The following MAGI2 variants were observed in gnomAD, a reference collection of about 807,000 sequenced individuals.
The protein encoded by MAGI2 is membrane associated guanylate kinase, WW and PDZ domain containing 2.
MAGI2 carries 35 observed loss-of-function variants against 133.3 expected under a neutral mutation model. The observed-to-expected ratio is 0.26, with a 90% confidence interval of 0.20 to 0.35. The LOEUF (loss-of-function observed/expected upper bound fraction) is 0.35, where lower values mean the gene tolerates loss of function less well. MAGI2 is among the 10% of genes least tolerant of loss of function. The probability of loss-of-function intolerance (pLI) is 1.00; values close to 1 mark genes in which losing one functional copy is unlikely to be tolerated. For synonymous variants in MAGI2, 729 were observed against 710.6 expected (o/e 1.03, Z -0.41); for missense variants, 1,636 against 1,863.4 (o/e 0.88, Z 2.25).
At chr7:79,429,152 A>ATATT (rs1383078790) in intron 1 of MAGI2, among the ~76,000 whole-genome samples, 2 of 152,158 alleles carry the variant, frequency 1.3e-5, no homozygotes, top group Non-Finnish European at 2.9e-5. Flanking sequence ...CTTTTATTAA[A>ATATT]AGTAAAATAT....
intron 6 of MAGI2, among the ~76,000 whole-genome samples, chr7:78,439,232 G>A (rs375190431): frequency 1.3e-5 from 2 of 152,142 alleles, no homozygotes; most frequent in East Asian, 3.9e-4. Context: ...AATGTTGCCC[G>A]AGTCAGTCAC....
chr7:78,439,918 G>A (rs1201706462), intron 6 of MAGI2, among the ~76,000 whole-genome samples: 1 of 151,976 alleles, frequency 6.6e-6, no homozygotes, highest in Non-Finnish European at 1.5e-5. Context: ...TGTGCCTAGT[G>A]AGCACTTAAA....
chr7:78,063,483 C>T (rs927996957), intron 21 of MAGI2, among the ~76,000 whole-genome samples: 24 of 152,178 alleles, frequency 1.6e-4, no homozygotes, highest in Admixed American at 4.6e-4. Flanking sequence ...CTCAAGCGAT[C>T]CTCCTGCCTT....
At chr7:79,445,671 C>G (rs555981002) in intron 1 of MAGI2, among the ~76,000 whole-genome samples, 1 of 152,072 alleles carries the variant, frequency 6.6e-6, no homozygotes, top group African/African-American at 2.4e-5. Context: ...AAACAACAGG[C>G]GCTGGAGAGG....
intron 6 of MAGI2, among the ~76,000 whole-genome samples, chr7:78,414,655 C>G (rs118184584): frequency 6.6e-6 from 1 of 151,996 alleles, no homozygotes; most frequent in East Asian, 1.9e-4. Flanking sequence ...TGTGCATACA[C>G]ACACACACCC....
intron 1 of MAGI2, among the ~76,000 whole-genome samples, chr7:79,049,710 C>T (rs1812502347): frequency 6.6e-6 from 1 of 150,892 alleles, no homozygotes. Context: ...TCATATTTTA[C>T]TACCTCTCAT....
At chr7:78,729,062 T>C (rs1563420603) in intron 2 of MAGI2, among the ~76,000 whole-genome samples, 1 of 152,148 alleles carries the variant, frequency 6.6e-6, no homozygotes, top group Non-Finnish European at 1.5e-5. Flanking sequence ...GTAATGGTAT[T>C]AGGCTATATC....
At chr7:78,944,369 A>G (rs1024630875) in intron 2 of MAGI2, among the ~76,000 whole-genome samples, 1 of 151,976 alleles carries the variant, frequency 6.6e-6, no homozygotes, top group Non-Finnish European at 1.5e-5. Flanking sequence ...TTTTCCCCCA[A>G]GTTTTCCTAA....
At chr7:78,479,803 T>A (rs1584325855) in intron 6 of MAGI2, among the ~76,000 whole-genome samples, 1 of 151,864 alleles carries the variant, frequency 6.6e-6, no homozygotes, top group East Asian at 1.9e-4. Context: ...AAATCAAGTA[T>A]CAAATTTATC....
intron 16 of MAGI2, among the ~76,000 whole-genome samples, chr7:78,143,407 T>C (rs1005056985): frequency 3.3e-5 from 5 of 152,202 alleles, no homozygotes; most frequent in Non-Finnish European, 5.9e-5. Context: ...AATTTTATGA[T>C]GACCAATTTA....
intron 2 of MAGI2, among the ~76,000 whole-genome samples, chr7:78,979,854 C>G (rs1421630549): frequency 9.2e-5 from 14 of 151,914 alleles, no homozygotes; most frequent in Admixed American, 7.9e-4. Flanking sequence ...CATGAACACT[C>G]TGTAATATCT....
intron 1 of MAGI2, among the ~76,000 whole-genome samples, chr7:79,108,163 G>A (rs768113100): frequency 3.9e-5 from 6 of 152,174 alleles, no homozygotes; most frequent in Admixed American, 6.5e-5. Context: ...CACAGACCAG[G>A]TGCTGGCCCT....
intron 6 of MAGI2, among the ~76,000 whole-genome samples, chr7:78,488,989 A>G (rs975030297): frequency 6.6e-6 from 1 of 152,032 alleles, no homozygotes; most frequent in Non-Finnish European, 1.5e-5. Context: ...TAATCACATA[A>G]AGTATGTGAT....
At position 78,019,985 on chromosome 7, in the gene MAGI2, G is replaced by T; in HGVS notation, c.3707-9C>A. The T allele has an allele frequency of 6.3e-7, 1 of 1,597,640 alleles. No individual in the cohort carries two copies. Among genetic ancestry groups the T allele is most frequent in the South Asian group, 1.1e-5 (1 of 89,094 alleles). ...CCAGGGGGCGGGTTCGTCTGTGGACGGGAAGCACAGGCGTTAGCAGTGGCG... is the reference window on the plus strand; with the variant it reads ...CCAGGGGGCGGGTTCGTCTGTGGACTGGAAGCACAGGCGTTAGCAGTGGCG... On this transcript the variant is annotated splice_polypyrimidine_tract_variant and intron_variant, in intron 21 of 21. Transcript: ENST00000354212.
chr7:78,686,467 G>A (rs1249475799), intron 2 of MAGI2, among the ~76,000 whole-genome samples: 2 of 151,558 alleles, frequency 1.3e-5, no homozygotes, highest in Non-Finnish European at 2.9e-5. Flanking sequence ...TATAATAGCC[G>A]GATAGAGGTA....
intron 6 of MAGI2, among the ~76,000 whole-genome samples, chr7:78,462,689 A>G (rs534100673): frequency 2.0e-5 from 3 of 152,350 alleles, no homozygotes; most frequent in African/African-American, 7.2e-5. Flanking sequence ...TTGCATATTA[A>G]ATGAATGATT....
At chr7:79,347,001 CCCT>C (rs2129105974) in intron 1 of MAGI2, among the ~76,000 whole-genome samples, 1 of 152,032 alleles carries the variant, frequency 6.6e-6, no homozygotes, top group African/African-American at 2.4e-5. Context: ...TTTTCAGATT[CCCT>C]GGAAATGTTG....
chr7:78,017,894 A>G lies in MAGI2; in HGVS notation c.*1421T>C, dbSNP rs941174172. On this transcript the variant is annotated 3_prime_UTR_variant, in exon 22 of 22. Coordinates refer to ENST00000354212, the MANE Select transcript of MAGI2 (RefSeq NM_012301.4). ...TTGCATTTGAACTCCTGTAAAGAGT[A>G]AGAATATGGAAAGGATGAAGCCTCA... The G allele has an allele frequency of 2.6e-5, 4 of 152,242 alleles. No individual in the cohort carries two copies. Among genetic ancestry groups the G allele is most frequent in the Admixed American group, 2.0e-4 (3 of 15,280 alleles). 9.4% of individuals were successfully genotyped at this position (152,242 alleles called of 1,614,324 possible). A position where few individuals can be genotyped will look rare whatever the true frequency, so the allele number is the denominator to read the frequency against.
chr7:78,582,920 T>C (rs1053603995), intron 3 of MAGI2, among the ~76,000 whole-genome samples: 1 of 152,196 alleles, frequency 6.6e-6, no homozygotes, highest in African/African-American at 2.4e-5. Context: ...ACTTAAAATA[T>C]AGGAGCCTCA....
Sources: allele counts gnomAD v4.1 joint callset (sites outside exome capture counted in the v4.1 genomes callset), GRCh38; gene constraint gnomAD v4.1.1; transcripts MANE v1.5; gene names NCBI Gene and HGNC (gene_info 2026-07-23, HGNC 2026-07-21).